Variants in MAST4 observed in about 807,000 individuals in gnomAD.
MAST4 encodes the protein microtubule-associated serine/threonine-protein kinase 4.
MAST4 carries 89 observed loss-of-function variants against 162.7 expected under a neutral mutation model. That is an observed-to-expected ratio of 0.55 (90% CI 0.46 to 0.65). The LOEUF (loss-of-function observed/expected upper bound fraction) is 0.65, where lower values mean the gene tolerates loss of function less well. MAST4 is among the 30% of genes least tolerant of loss of function. The pLI is 0.00. For synonymous variants in MAST4, 1,479 were observed against 1,361.1 expected (o/e 1.09, Z -1.91); for missense variants, 3,153 against 3,374.0 (o/e 0.93, Z 1.62).
intron 5 of MAST4, among the ~76,000 whole-genome samples, chr5:67,078,911 A>AATAAATAAATATATAT (rs1227485756): frequency 2.4e-4 from 9 of 38,102 alleles, no homozygotes; most frequent in South Asian, 8.9e-4. Flanking sequence ...TTTTTATATA[A>AATAAATAAATATATAT]ATATATATAT....
chr5:66,743,736 G>A (rs1156943226), intron 1 of MAST4, among the ~76,000 whole-genome samples: 3 of 152,230 alleles, frequency 2.0e-5, no homozygotes, highest in African/African-American at 7.2e-5. Flanking sequence ...GAATTCAGGG[G>A]TAAGACGGAT....
chr5:67,153,334 T>A, intron 25 of MAST4, 124 bp from the exon 26 acceptor site: 1 of 971,226 alleles, frequency 1.0e-6, no homozygotes, highest in Non-Finnish European at 1.4e-6. Context: ...TAAACGTACC[T>A]GTTAGATTTT....
intron 4 of MAST4, among the ~76,000 whole-genome samples, chr5:67,041,029 G>A (rs913970771): frequency 6.6e-6 from 1 of 152,170 alleles, no homozygotes; most frequent in African/African-American, 2.4e-5. Context: ...TTAAACCATT[G>A]CTTGGAGTGT....
chr5:66,958,787 T>A (rs1368977475), intron 4 of MAST4: 3 of 158,778 alleles, frequency 1.9e-5, no homozygotes. Flanking sequence ...GGTGGCTGAA[T>A]TCTATTCGAG....
chr5:67,064,638 T>C lies in MAST4; in HGVS notation c.763+10146T>C, dbSNP rs562746579. ...CCATTTCAACCATTGCTAAGCTGAA[T>C]GGAGGCTGTTGCCTTTCAAACTCTT... On this transcript the variant is annotated intron_variant, in intron 5 of 28. Coordinates refer to ENST00000403625, the MANE Select transcript of MAST4 (RefSeq NM_001164664.2). Among the ~76,000 whole-genome samples the C allele has an allele frequency of 9.2e-5, 14 of 152,352 alleles. 1 individual carries two copies. In the South Asian group the frequency reaches 2.9e-3, roughly 32 times the overall value.
chr5:66,910,522 T>G (rs1296214936), intron 4 of MAST4, among the ~76,000 whole-genome samples: 2 of 152,170 alleles, frequency 1.3e-5, no homozygotes, highest in Non-Finnish European at 2.9e-5. Flanking sequence ...TTTCTTGGAA[T>G]CTGTGCCATC....
At chr5:66,704,896 G>C (rs10940080) in intron 1 of MAST4, among the ~76,000 whole-genome samples, 1 of 151,894 alleles carries the variant, frequency 6.6e-6, no homozygotes, top group Non-Finnish European at 1.5e-5. Flanking sequence ...CTTGCTTCTC[G>C]GAAAGCAGTC....
At chr5:66,774,278 G>C (rs1193500982) in intron 2 of MAST4, among the ~76,000 whole-genome samples, 1 of 152,190 alleles carries the variant, frequency 6.6e-6, no homozygotes, top group African/African-American at 2.4e-5. Context: ...TCTTGGTCTT[G>C]GTTGCCAGGA....
chr5:66,700,174 C>T (rs1179526017), intron 1 of MAST4, among the ~76,000 whole-genome samples: 13 of 152,074 alleles, frequency 8.5e-5, no homozygotes, highest in Non-Finnish European at 1.8e-4. Context: ...TTTGTTTTCT[C>T]TATTGGCAGC....
At chr5:66,759,912 GT>G (rs754373546) in intron 2 of MAST4, 50 bp downstream of exon 2, 1 of 1,596,808 alleles carries the variant, frequency 6.3e-7, no homozygotes, top group Non-Finnish European at 8.6e-7. Context: ...TCTTTACAAG[GT>G]CCTGCATGGC....
intron 5 of MAST4, among the ~76,000 whole-genome samples, chr5:67,078,937 T>TGGC (rs1762256702): frequency 1.0e-5 from 1 of 95,398 alleles, no homozygotes; most frequent in African/African-American, 5.1e-5. Context: ...TATATATATA[T>TGGC]ATATATATAT....
At chr5:67,008,792 G>A (rs1376425887) in intron 4 of MAST4, among the ~76,000 whole-genome samples, 1 of 152,192 alleles carries the variant, frequency 6.6e-6, no homozygotes, top group Non-Finnish European at 1.5e-5. Flanking sequence ...ACATTACTCA[G>A]TAATTGCTAT....
intron 3 of MAST4, among the ~76,000 whole-genome samples, chr5:66,860,853 G>A (rs1414864551): frequency 3.3e-5 from 5 of 151,750 alleles, no homozygotes; most frequent in African/African-American, 4.8e-5. Flanking sequence ...GCCACTAGGC[G>A]CCTGGGACAA....
chr5:66,637,475 A>T (rs924514677), intron 1 of MAST4, among the ~76,000 whole-genome samples: 1 of 151,928 alleles, frequency 6.6e-6, no homozygotes, highest in African/African-American at 2.4e-5. Flanking sequence ...TTTTCCTCCA[A>T]TGTGCTTGTG....
chr5:66,872,818 C>T (rs1216182413), intron 3 of MAST4, among the ~76,000 whole-genome samples: 1 of 152,168 alleles, frequency 6.6e-6, no homozygotes, highest in East Asian at 1.9e-4. Context: ...GCATTAAGTA[C>T]ATCCACTGTT....
intron 4 of MAST4, among the ~76,000 whole-genome samples, chr5:66,978,466 G>A (rs572454951): frequency 1.3e-5 from 2 of 152,332 alleles, no homozygotes; most frequent in African/African-American, 4.8e-5. Context: ...ACCAAGAAGA[G>A]AAGATGTTCT....
At chr5:67,030,905 G>A (rs1374944907) in intron 4 of MAST4, among the ~76,000 whole-genome samples, 2 of 152,264 alleles carry the variant, frequency 1.3e-5, no homozygotes, top group South Asian at 2.1e-4. Flanking sequence ...CCAATTAACT[G>A]TTATGGTGAA....
chr5:66,825,620 T>A (rs1006743475), intron 3 of MAST4, among the ~76,000 whole-genome samples: 1 of 152,238 alleles, frequency 6.6e-6, no homozygotes, highest in Non-Finnish European at 1.5e-5. Flanking sequence ...TGGAATTGTT[T>A]TTGTTTCTGT....
At chr5:66,862,080 A>C (rs1424306449) in intron 3 of MAST4, among the ~76,000 whole-genome samples, 1 of 152,212 alleles carries the variant, frequency 6.6e-6, no homozygotes, top group East Asian at 1.9e-4. Flanking sequence ...AGCACAAATG[A>C]AACAAGTCAA....
Sources: allele counts gnomAD v4.1 joint callset (sites outside exome capture counted in the v4.1 genomes callset), GRCh38; gene constraint gnomAD v4.1.1; transcripts MANE v1.5; gene names NCBI Gene and HGNC (gene_info 2026-07-23, HGNC 2026-07-21).